GLS2: variants seen among roughly 807,000 people sequenced by gnomAD.
The protein encoded by GLS2 is glutaminase liver isoform, mitochondrial.
GLS2 carries 52 observed loss-of-function variants against 79.0 expected under a neutral mutation model. That is an observed-to-expected ratio of 0.66 (90% CI 0.53 to 0.83). The LOEUF (loss-of-function observed/expected upper bound fraction) is 0.83. GLS2 is among the 40% of genes least tolerant of loss of function. The pLI, the probability that GLS2 is intolerant of heterozygous loss-of-function variation, is 0.00. For missense variants in GLS2, 561 were observed against 764.8 expected (o/e 0.73, Z 3.14); for synonymous variants, 238 against 280.8 (o/e 0.85, Z 1.52).
At chr12:56,485,759 T>C (rs1482862592) in intron 1 of GLS2, among the ~76,000 whole-genome samples, 13 of 152,044 alleles carry the variant, frequency 8.6e-5, no homozygotes, top group Non-Finnish European at 1.6e-4. Context: ...GTCATAAATA[T>C]GGCCCGGCAC....
At chr12:56,475,840 G>C in intron 8 of GLS2, 105 bp downstream of exon 8, 2 of 1,415,074 alleles carry the variant, frequency 1.4e-6, no homozygotes, top group South Asian at 2.3e-5. Context: ...CTTCTAGTAT[G>C]GGCTGGTGCA....
intron 8 of GLS2, 128 bp from the exon 9 acceptor site, chr12:56,475,810 C>T: frequency 1.4e-6 from 2 of 1,408,532 alleles, no homozygotes; most frequent in Non-Finnish European, 2.0e-6. Context: ...CAGCAGATTT[C>T]CACATTTCTG....
intron 14 of GLS2, 123 bp from the exon 15 acceptor site, chr12:56,472,874 T>A: frequency 1.8e-5 from 12 of 649,978 alleles, no homozygotes; most frequent in Non-Finnish European, 2.1e-5. Context: ...AATGTGCTAC[T>A]CTGAAATATT....
intron 1 of GLS2, among the ~76,000 whole-genome samples, chr12:56,484,581 GA>G (rs1386258473): frequency 6.6e-6 from 1 of 151,964 alleles, no homozygotes; most frequent in Non-Finnish European, 1.5e-5. Context: ...GGGAGAGGAG[GA>G]AAAAAGCTAT....
Position 56,473,533 on chromosome 12 carries a change from A to G in GLS2, c.1286T>C (p.Met429Thr), listed in dbSNP as rs1869504502. ...TGGGGGTGACAGGCACATCATTCCC[A>G]TGACATTGGGTACCACCAGGAGGAT... ...GAILLVVPNV[M>T]GMMCLSPPLD... Residue 429 changes from methionine to threonine, a missense_variant, in exon 13 of 18, where the codon ATG (methionine) becomes ACG (threonine). By Grantham distance (81) the Met-to-Thr change is moderately conservative. Transcript: ENST00000311966. The G allele has an allele frequency of 6.2e-7, 1 of 1,613,700 alleles. No individual in the cohort carries two copies. The highest frequency in any genetic ancestry group is 2.2e-5 in the East Asian group (1 of 44,884).
intron 6 of GLS2, 96 bp from the exon 7 acceptor site, chr12:56,477,814 G>C: frequency 1.3e-6 from 2 of 1,542,994 alleles, no homozygotes; most frequent in Non-Finnish European, 8.8e-7. Context: ...GACTGCTAGG[G>C]AGAAAGGCAT....
intron 2 of GLS2, 89 bp downstream of exon 2, chr12:56,480,199 T>C (rs550903444): frequency 8.9e-7 from 1 of 1,122,674 alleles, no homozygotes; most frequent in South Asian, 1.4e-5. Flanking sequence ...AGCAACCCAT[T>C]AGCTGCCCTG....
chr12:56,478,221 G>A lies in GLS2; in HGVS notation c.576C>T (p.Asp192=), dbSNP rs1592278352. 3 of 1,614,264 alleles carry A rather than the reference G, an allele frequency of 1.9e-6. No individual in the cohort carries two copies. Among genetic ancestry groups the A allele is most frequent in the Non-Finnish European group, 2.5e-6 (3 of 1,180,050 alleles). Residue 192 remains aspartate, a synonymous_variant, in exon 5 of 18, where the codon GAC becomes GAT. Transcript: ENST00000311966. The part of the protein sequence containing the change: ...YIPQLAKSNP[D]LWGVSLCTVD... ...CAGTGCACAGGGAGACACCCCACAGGTCTGGGTTTGACTTGGCCAGCTGAG... is the reference window on the plus strand; with the variant it reads ...CAGTGCACAGGGAGACACCCCACAGATCTGGGTTTGACTTGGCCAGCTGAG...
chr12:56,476,109 C>T, intron 7 of GLS2, 132 bp from the exon 8 acceptor site: 1 of 785,576 alleles, frequency 1.3e-6, no homozygotes, highest in Non-Finnish European at 2.1e-6. Flanking sequence ...TTATAATGGC[C>T]CTTTTTTTAT....
intron 1 of GLS2, 88 bp from the exon 2 acceptor site, chr12:56,480,475 G>T: frequency 1.0e-6 from 1 of 954,692 alleles, no homozygotes; most frequent in Non-Finnish European, 1.7e-6. Context: ...ATAAGTAGGT[G>T]AGTGTCCTCA....
intron 4 of GLS2, 85 bp downstream of exon 4, chr12:56,478,967 G>C (rs1870063304): frequency 6.6e-7 from 1 of 1,508,904 alleles, no homozygotes; most frequent in Non-Finnish European, 8.8e-7. Context: ...CCGGGTGACA[G>C]AGCAAAACTC....
chr12:56,478,111 A>G lies in GLS2; in HGVS notation c.615-15T>C. 6.2e-7 allele frequency: 1 copy of G among 1,614,028 alleles called. No homozygotes were observed. The highest frequency in any genetic ancestry group is 8.5e-7 in the Non-Finnish European group (1 of 1,179,920). ...CCACAGAGTGCCTGGAGGCAGACAG[A>G]TGCCATGAAAGGGGTTGGCCTGTGT... On this transcript the variant is annotated splice_polypyrimidine_tract_variant and intron_variant, in intron 5 of 17. Transcript: ENST00000311966.
At chr12:56,484,529 T>TG (rs1870538835) in intron 1 of GLS2, among the ~76,000 whole-genome samples, 1 of 152,150 alleles carries the variant, frequency 6.6e-6, no homozygotes, top group African/African-American at 2.4e-5. Flanking sequence ...TTCCTGCTTC[T>TG]GGGGAAATCC....
chr12:56,475,883 G>C (rs1246930031), intron 8 of GLS2, 62 bp downstream of exon 8: 1 of 1,568,398 alleles, frequency 6.4e-7, no homozygotes, highest in Admixed American at 1.7e-5. Flanking sequence ...CACTGGGGCA[G>C]CTGGAGAGGA....
chr12:56,474,824 G>T, intron 11 of GLS2, 22 bp downstream of exon 11: 1 of 1,614,098 alleles, frequency 6.2e-7, no homozygotes, highest in South Asian at 1.1e-5. Context: ...TGTTCCCTCG[G>T]CCCTGAGCAG....
rs1250630935 is a variant in GLS2 at position 56,471,448 on chromosome 12, C to A, written c.*39G>T. 1 of 1,579,176 alleles carries A rather than the reference C, an allele frequency of 6.3e-7. No individual in the cohort carries two copies. Among genetic ancestry groups the A allele is most frequent in the Admixed American group, 1.8e-5 (1 of 55,312 alleles). On this transcript the variant is annotated 3_prime_UTR_variant, in exon 18 of 18. Transcript: ENST00000311966. ...TTATGGATTACATGTGTGGCCAGCT[C>A]ATGCTTTTTCTTGAGCAGGGGCTGT...
intron 12 of GLS2, chr12:56,473,844 A>G: frequency 2.4e-6 from 1 of 416,870 alleles, no homozygotes; most frequent in Non-Finnish European, 4.2e-6. Context: ...AGAACTAGGA[A>G]CTTCCATTCT....
chr12:56,475,859 TG>T, intron 8 of GLS2, 85 bp downstream of exon 8: 1 of 1,474,144 alleles, frequency 6.8e-7, no homozygotes, highest in Non-Finnish European at 9.5e-7. Flanking sequence ...CACCTGGTAG[TG>T]GGGTTAGAGA....
intron 17 of GLS2, 44 bp from the exon 18 acceptor site, chr12:56,471,687 G>A: frequency 6.2e-7 from 1 of 1,612,686 alleles, no homozygotes; most frequent in East Asian, 2.2e-5. Context: ...GACGTGGAGA[G>A]TGGTGGTTGT....
Sources: allele counts gnomAD v4.1 joint callset (sites outside exome capture counted in the v4.1 genomes callset), GRCh38; gene constraint gnomAD v4.1.1; transcripts MANE v1.5; gene names NCBI Gene and HGNC (gene_info 2026-07-23, HGNC 2026-07-21).